ANKRD28: variants seen among roughly 807,000 people sequenced by gnomAD.
ANKRD28 encodes ankyrin repeat domain 28, also known as serine/threonine-protein phosphatase 6 regulatory ankyrin repeat subunit A.
ANKRD28 carries 44 observed loss-of-function variants against 126.5 expected under a neutral mutation model. The observed-to-expected ratio is 0.35, with a 90% CI of 0.27 to 0.45. ANKRD28 has a LOEUF of 0.45. ANKRD28 is among the 20% of genes least tolerant of loss of function. The probability of loss-of-function intolerance (pLI) is 1.00; values close to 1 mark genes in which losing one functional copy is unlikely to be tolerated. For missense variants in ANKRD28, 1,110 were observed against 1,316.6 expected, an observed-to-expected ratio of 0.84 and a Z score of 2.43; for synonymous variants, 442 against 468.5, an observed-to-expected ratio of 0.94 and a Z score of 0.73.
chr3:15,836,646 T>C (rs1182669437), intron 1 of ANKRD28, among the ~76,000 whole-genome samples: 2 of 152,088 alleles, frequency 1.3e-5, no homozygotes, highest in Non-Finnish European at 1.5e-5. Flanking sequence ...ACACAAAGAA[T>C]ACCCATAAGA....
intron 1 of ANKRD28, 120 bp from the exon 2 acceptor site, chr3:15,795,426 T>A (rs748642821): frequency 2.0e-5 from 12 of 592,670 alleles, no homozygotes; most frequent in Non-Finnish European, 3.4e-5. Context: ...CTTTTGACAT[T>A]AGCCAGAAGT....
chr3:15,710,803 GAC>G (rs1298894596), intron 12 of ANKRD28, among the ~76,000 whole-genome samples: 1 of 151,746 alleles, frequency 6.6e-6, no homozygotes, highest in African/African-American at 2.4e-5. Context: ...GTAGAGGTAA[GAC>G]ACAGCACAAA....
At chr3:15,827,881 C>A (rs750397664) in intron 1 of ANKRD28, among the ~76,000 whole-genome samples, 6 of 152,064 alleles carry the variant, frequency 3.9e-5, no homozygotes, top group Non-Finnish European at 8.8e-5. Flanking sequence ...AGAAATCCTA[C>A]AATTAAACAA....
intron 2 of ANKRD28, among the ~76,000 whole-genome samples, chr3:15,777,319 G>A (rs552639176): frequency 4.0e-5 from 6 of 150,450 alleles, no homozygotes; most frequent in African/African-American, 1.2e-4. Flanking sequence ...CCTGAAAACT[G>A]AAAAAACTAC....
rs769558506 is a variant in ANKRD28, at chr3:15,766,178, A to G, written c.280+56T>C. 235 of 1,377,608 alleles carry G rather than the reference A, an allele frequency of 1.7e-4. 1 individual carries two copies. The highest frequency in any genetic ancestry group is 2.2e-4 in the Non-Finnish European group (217 of 987,562). The allele number at this position is 1,377,608 out of a possible 1,614,324, so 85.3% of individuals were successfully genotyped here. A position where few individuals can be genotyped will look rare whatever the true frequency, so the allele number is the denominator to read the frequency against. On this transcript the variant is annotated intron_variant, in intron 3 of 27. Coordinates refer to ENST00000683139, the MANE Select transcript of ANKRD28 (RefSeq NM_001349278.2). ...AAATAGTCAATTATGATTGAGAAAC[A>G]TTAAGAATAACAAAAATATACATAA...
At chr3:15,711,039 G>A (rs1359275936) in intron 12 of ANKRD28, among the ~76,000 whole-genome samples, 172 bp downstream of exon 12, 1 of 151,684 alleles carries the variant, frequency 6.6e-6, no homozygotes, top group Non-Finnish European at 1.5e-5. Flanking sequence ...AACTTGGCTG[G>A]AATAAGATGA....
chr3:15,776,873 G>T (rs2125653035), intron 2 of ANKRD28, among the ~76,000 whole-genome samples: 1 of 152,252 alleles, frequency 6.6e-6, no homozygotes, highest in East Asian at 1.9e-4. Flanking sequence ...ATATATCAAA[G>T]AATTGACAGA....
At chr3:15,831,047 G>A (rs544075800) in intron 1 of ANKRD28, among the ~76,000 whole-genome samples, 20 of 152,244 alleles carry the variant, frequency 1.3e-4, no homozygotes, top group African/African-American at 4.8e-4. Flanking sequence ...GGAAGTTCAC[G>A]CCTGAAACTC....
chr3:15,786,470 G>A (rs1010787899), intron 2 of ANKRD28, among the ~76,000 whole-genome samples: 2 of 152,088 alleles, frequency 1.3e-5, no homozygotes, highest in African/African-American at 4.8e-5. Flanking sequence ...CCAGGGAGAG[G>A]AGGGAGGAAG....
chr3:15,767,887 C>CCAAAA (rs370694516), intron 2 of ANKRD28, among the ~76,000 whole-genome samples: 28 of 151,102 alleles, frequency 1.9e-4, no homozygotes, highest in Non-Finnish European at 3.1e-4. Flanking sequence ...GACTCTGTCA[C>CCAAAA]CAAAACAAAA....
Position 15,697,400 on chromosome 3 carries a change from C to CA in ANKRD28, c.1548-1156dup, listed in dbSNP as rs1169485116. The CA allele has an allele frequency of 3.3e-5, 5 of 152,142 alleles. No individual in the cohort carries two copies. In the East Asian group the frequency reaches 9.7e-4, roughly 29 times the overall value. 9.4% of individuals were successfully genotyped at this position (152,142 alleles called of 1,614,324 possible). A position where few individuals can be genotyped will look rare whatever the true frequency, so the allele number is the denominator to read the frequency against. On this transcript the variant is annotated intron_variant, in intron 14 of 27. Coordinates refer to ENST00000683139, the MANE Select transcript of ANKRD28 (RefSeq NM_001349278.2). ...TACATTGCTCAGGGGACCAGTGCAC[C>CA]AAAATCTCAGAAATCATCAATAAAG...
At chr3:15,789,328 G>A (rs536153798) in intron 2 of ANKRD28, among the ~76,000 whole-genome samples, 12 of 151,976 alleles carry the variant, frequency 7.9e-5, no homozygotes, top group East Asian at 1.9e-4. Context: ...AGCAAAAAGC[G>A]AACCCCATTC....
At chr3:15,773,488 G>A (rs541743875) in intron 2 of ANKRD28, among the ~76,000 whole-genome samples, 12 of 152,236 alleles carry the variant, frequency 7.9e-5, no homozygotes, top group Admixed American at 7.2e-4. Context: ...AGCTGGGTGT[G>A]GTGGTGTGCG....
chr3:15,712,292 CAA>C, intron 10 of ANKRD28, 70 bp from the exon 11 acceptor site: 1 of 1,213,920 alleles, frequency 8.2e-7, no homozygotes, highest in Non-Finnish European at 1.2e-6. Context: ...AAATACATTA[CAA>C]AGAGACCACT....
chr3:15,781,587 T>C (rs1318063013), intron 2 of ANKRD28: 2 of 152,110 alleles, frequency 1.3e-5, no homozygotes, highest in African/African-American at 4.8e-5. Context: ...GACTGGACAA[T>C]TGTAATCATC....
chr3:15,802,996 C>G (rs563601527), intron 1 of ANKRD28, among the ~76,000 whole-genome samples: 1 of 152,290 alleles, frequency 6.6e-6, no homozygotes, highest in Admixed American at 6.5e-5. Flanking sequence ...AGACAAGGAA[C>G]TAATGGGTGG....
intron 1 of ANKRD28, among the ~76,000 whole-genome samples, chr3:15,835,437 T>TCAA (rs749263483): frequency 2.0e-5 from 3 of 152,138 alleles, no homozygotes; most frequent in Non-Finnish European, 4.4e-5. Context: ...GAAGGAGGAA[T>TCAA]CAACAACAAC....
chr3:15,785,929 C>G (rs531341439), intron 2 of ANKRD28, among the ~76,000 whole-genome samples: 2 of 151,748 alleles, frequency 1.3e-5, no homozygotes, highest in Admixed American at 1.3e-4. Flanking sequence ...AAGTGAAAGA[C>G]GCCAACCTGA....
intron 12 of ANKRD28, among the ~76,000 whole-genome samples, chr3:15,710,238 T>C (rs150366790): frequency 9.8e-5 from 15 of 152,302 alleles, no homozygotes; most frequent in African/African-American, 3.6e-4. Flanking sequence ...ACTATGACTG[T>C]TTACATATAT....
Sources: gnomAD v4.1 joint callset for allele counts (sites outside exome capture counted in the v4.1 genomes callset) on GRCh38, gnomAD v4.1.1 for gene constraint, MANE v1.5 for transcripts, NCBI Gene and HGNC (gene_info 2026-07-23, HGNC 2026-07-21) for gene names.